The following C2orf49 variants were observed in gnomAD, a reference collection of about 807,000 sequenced individuals.
The protein encoded by C2orf49 is tRNA-splicing ligase complex subunit ASW.
A neutral mutation model predicts 20.6 loss-of-function variants in C2orf49; 11 were observed. The ratio of observed to expected loss-of-function variants is 0.53; its 90% CI spans 0.34 to 0.88. The LOEUF (loss-of-function observed/expected upper bound fraction) is 0.88, where lower values mean the gene tolerates loss of function less well. Ranked by LOEUF, C2orf49 falls within the 40% of genes least tolerant of loss-of-function variation. C2orf49 has a pLI of 0.02. For missense variants in C2orf49, 289 were observed against 274.2 expected, an observed-to-expected ratio of 1.05 and a Z score of -0.38; for synonymous variants, 134 against 108.5, an observed-to-expected ratio of 1.24 and a Z score of -1.46.
At chr2:105,353,836 A>G (rs1679991972), downstream of C2orf49, among the ~76,000 whole-genome samples, 1 of 152,258 alleles carries the variant, frequency 6.6e-6, no homozygotes, top group Non-Finnish European at 1.5e-5. Flanking sequence ...TTGAGAATTG[A>G]GTATATATTT....
At chr2:105,364,693 C>CT in the C2orf49 span, among the ~76,000 whole-genome samples, 2 of 152,182 alleles carry the variant, frequency 1.3e-5, no homozygotes, top group Non-Finnish European at 2.9e-5. Flanking sequence ...CACAATCACA[C>CT]TTTTTTGCTT....
chr2:105,352,499 CAGTGG>C (rs1679962292), downstream of C2orf49, among the ~76,000 whole-genome samples: 2 of 116,712 alleles, frequency 1.7e-5, no homozygotes, highest in African/African-American at 6.6e-5. Flanking sequence ...GGCTGGAGTG[CAGTGG>C]CAGGATCTCG....
the C2orf49 span, among the ~76,000 whole-genome samples, chr2:105,379,982 T>C: frequency 6.6e-6 from 1 of 152,344 alleles, no homozygotes; most frequent in East Asian, 1.9e-4. Flanking sequence ...ACTCTCTGAA[T>C]GGGGCGCCCA....
At chr2:105,341,132 A>G (rs1001777664) in intron 2 of C2orf49, among the ~76,000 whole-genome samples, 1 of 152,248 alleles carries the variant, frequency 6.6e-6, no homozygotes, top group African/African-American at 2.4e-5. Flanking sequence ...GTTAACTTTC[A>G]TAAATATGGG....
the C2orf49 span, among the ~76,000 whole-genome samples, chr2:105,361,899 G>T: frequency 6.6e-6 from 1 of 152,156 alleles, no homozygotes. Flanking sequence ...GTGCGATGTG[G>T]GTGGGAATGA....
chr2:105,364,512 G>A, the C2orf49 span, among the ~76,000 whole-genome samples: 146 of 152,324 alleles, frequency 9.6e-4, 1 homozygote, highest in South Asian at 2.7e-3. Context: ...GCCACATGAG[G>A]TGGAACTGGC....
downstream of C2orf49, among the ~76,000 whole-genome samples, chr2:105,353,518 A>G (rs1021072703): frequency 1.3e-5 from 2 of 152,046 alleles, no homozygotes; most frequent in Non-Finnish European, 2.9e-5. Flanking sequence ...TTTTTACCCC[A>G]TCTTCATCTC....
the C2orf49 span, among the ~76,000 whole-genome samples, chr2:105,379,505 G>A: frequency 0.98 from 149,051 of 152,330 alleles, 72,929 homozygotes; most frequent in East Asian, 1. Context: ...TGAGCCATAC[G>A]ATAACTCTAT....
chr2:105,370,208 AC>A, the C2orf49 span, among the ~76,000 whole-genome samples: 5 of 150,614 alleles, frequency 3.3e-5, no homozygotes, highest in Admixed American at 6.6e-5. Context: ...CCCTGTCTCT[AC>A]CCCCCCAAAA....
the C2orf49 span, among the ~76,000 whole-genome samples, chr2:105,354,666 CAAAA>C: frequency 4.5e-4 from 66 of 147,848 alleles, no homozygotes; most frequent in African/African-American, 1.6e-3. Context: ...AACTCCATCT[CAAAA>C]AAAAAAAATT....
chr2:105,377,975 A>T, the C2orf49 span: 4 of 448,282 alleles, frequency 8.9e-6, no homozygotes, highest in African/African-American at 6.1e-5. Flanking sequence ...ATTTCTAGAA[A>T]ATTTGCCTTT....
chr2:105,378,239 T>C, the C2orf49 span: 1 of 467,504 alleles, frequency 2.1e-6, no homozygotes, highest in South Asian at 1.6e-5. Flanking sequence ...TTAAGACTGA[T>C]TCATTGACAC....
chr2:105,356,852 T>C, the C2orf49 span, among the ~76,000 whole-genome samples: 2 of 152,234 alleles, frequency 1.3e-5, no homozygotes, highest in Non-Finnish European at 2.9e-5. Flanking sequence ...TCTCTGCATT[T>C]ATCTTACTTT....
At chr2:105,337,822 C>T in intron 1 of C2orf49, 136 bp downstream of exon 1, 1 of 720,668 alleles carries the variant, frequency 1.4e-6, no homozygotes, top group Non-Finnish European at 2.3e-6. Flanking sequence ...CCACACAGAC[C>T]AGGCAGCTGT....
the C2orf49 span, chr2:105,378,406 C>T: frequency 2.9e-6 from 1 of 347,358 alleles, no homozygotes; most frequent in Non-Finnish European, 5.6e-6. Flanking sequence ...CGCATTCTCT[C>T]AGGACAACCT....
the C2orf49 span, chr2:105,363,030 C>A: frequency 6.5e-6 from 3 of 462,070 alleles, no homozygotes; most frequent in South Asian, 3.3e-5. Context: ...GATAATCCAA[C>A]CCAAAGCAGA....
chr2:105,343,254 A>G, intron 3 of C2orf49, 31 bp downstream of exon 3: 1 of 1,533,246 alleles, frequency 6.5e-7, no homozygotes. Context: ...CATGCTGGTA[A>G]GTGGTCTGAA....
intron 1 of C2orf49, among the ~76,000 whole-genome samples, chr2:105,339,078 G>T (rs1679592602): frequency 1.3e-5 from 2 of 152,334 alleles, no homozygotes; most frequent in South Asian, 4.1e-4. Flanking sequence ...TCTATTTGTG[G>T]TATTATTTGA....
chr2:105,370,193 A>G, the C2orf49 span, among the ~76,000 whole-genome samples: 88,237 of 151,678 alleles, frequency 0.58, 26,383 homozygotes, highest in African/African-American at 0.74. Flanking sequence ...GGCAACATAG[A>G]GAGTCCCTGT....
Sources: gnomAD v4.1 joint callset for allele counts (sites outside exome capture counted in the v4.1 genomes callset) on GRCh38, gnomAD v4.1.1 for gene constraint, MANE v1.5 for transcripts, NCBI Gene and HGNC (gene_info 2026-07-23, HGNC 2026-07-21) for gene names.